The following PEX7 variants were observed in gnomAD, a reference collection of about 807,000 sequenced individuals.
PEX7 encodes the protein PTS2 receptor.
PEX7 carries 34 observed loss-of-function variants against 47.5 expected under a neutral mutation model. That is an observed-to-expected ratio of 0.72 (90% CI 0.54 to 0.95). PEX7 has a LOEUF of 0.95. Ranked by LOEUF, PEX7 falls within the 40% of genes least tolerant of loss-of-function variation. PEX7 has a pLI of 0.00. For missense variants in PEX7, 394 were observed against 400.3 expected, an observed-to-expected ratio of 0.98 and a Z score of 0.13; for synonymous variants, 141 against 148.8, an observed-to-expected ratio of 0.95 and a Z score of 0.38.
At chr6:136,866,121 T>A (rs189634166) in intron 5 of PEX7, among the ~76,000 whole-genome samples, 8 of 151,612 alleles carry the variant, frequency 5.3e-5, no homozygotes, top group African/African-American at 1.2e-4. Context: ...ATAAATAAAA[T>A]TTTTTAGCTT....
intron 3 of PEX7, among the ~76,000 whole-genome samples, chr6:136,827,433 A>G (rs996184090): frequency 6.6e-6 from 1 of 152,130 alleles, no homozygotes; most frequent in Non-Finnish European, 1.5e-5. Context: ...TAGTTTCAGG[A>G]TAATCAATGC....
chr6:136,897,044 T>C (rs1382446947), intron 8 of PEX7, among the ~76,000 whole-genome samples: 4 of 152,188 alleles, frequency 2.6e-5, no homozygotes, highest in African/African-American at 7.2e-5. Context: ...TTCCCAAATA[T>C]TTTGTAGATT....
intron 6 of PEX7, among the ~76,000 whole-genome samples, 171 bp from the exon 7 acceptor site, chr6:136,869,719 A>G (rs930455469): frequency 3.3e-5 from 5 of 152,146 alleles, no homozygotes; most frequent in Admixed American, 2.0e-4. Context: ...GTTTTTTGCT[A>G]TTAATGTCTA....
chr6:136,880,688 T>C (rs1775361869), intron 8 of PEX7, among the ~76,000 whole-genome samples: 1 of 152,384 alleles, frequency 6.6e-6, no homozygotes, highest in Admixed American at 6.5e-5. Flanking sequence ...TGGATTTACA[T>C]GGCCTCATTG....
At chr6:136,876,101 A>G (rs567470685) in intron 8 of PEX7, among the ~76,000 whole-genome samples, 1 of 151,590 alleles carries the variant, frequency 6.6e-6, no homozygotes, top group Non-Finnish European at 1.5e-5. Context: ...GCAGTGGCAC[A>G]ATCTCGGCTC....
chr6:136,892,343 G>T (rs1313220451), intron 8 of PEX7, among the ~76,000 whole-genome samples: 2 of 152,160 alleles, frequency 1.3e-5, no homozygotes, highest in Non-Finnish European at 2.9e-5. Context: ...ACTGCCTGAA[G>T]AATTGCAGAT....
At chr6:136,910,124 C>T (rs889220480) in intron 9 of PEX7, among the ~76,000 whole-genome samples, 1 of 152,204 alleles carries the variant, frequency 6.6e-6, no homozygotes, top group Non-Finnish European at 1.5e-5. Flanking sequence ...GGTTTAGGTT[C>T]TGGCTGTAGC....
intron 1 of PEX7, chr6:136,823,147 C>T (rs866525361): frequency 3.0e-6 from 3 of 985,270 alleles, no homozygotes; most frequent in South Asian, 4.7e-5. Context: ...TTGGATCGGT[C>T]CGCTCGGCAC....
chr6:136,846,722 T>C (rs570784877), intron 5 of PEX7, among the ~76,000 whole-genome samples: 210 of 152,354 alleles, frequency 1.4e-3, no homozygotes, highest in Non-Finnish European at 2.6e-3. Flanking sequence ...ATGTGCCACA[T>C]TTTCTTGATC....
chr6:136,912,731 A>T (rs1775952701), intron 9 of PEX7, among the ~76,000 whole-genome samples: 1 of 152,200 alleles, frequency 6.6e-6, no homozygotes, highest in African/African-American at 2.4e-5. Flanking sequence ...AAATTGCCTC[A>T]TCCATTTCTA....
intron 8 of PEX7, among the ~76,000 whole-genome samples, chr6:136,884,712 A>T (rs999683848): frequency 3.3e-5 from 5 of 152,196 alleles, no homozygotes; most frequent in African/African-American, 1.2e-4. Flanking sequence ...TCACAGAATA[A>T]CTAATGAAGA....
At chr6:136,851,869 T>G (rs1358308953) in intron 5 of PEX7, among the ~76,000 whole-genome samples, 1 of 37,850 alleles carries the variant, frequency 2.6e-5, no homozygotes, top group South Asian at 8.8e-4. Context: ...TCTTGTAAAT[T>G]TGTTTGAGTT....
At chr6:136,856,733 G>C (rs1038654379) in intron 5 of PEX7, among the ~76,000 whole-genome samples, 15 of 152,220 alleles carry the variant, frequency 9.9e-5, no homozygotes, top group Non-Finnish European at 1.8e-4. Flanking sequence ...ATTGAGGATG[G>C]AAAGAGTGAA....
intron 3 of PEX7, among the ~76,000 whole-genome samples, chr6:136,832,067 G>T (rs1774303967): frequency 6.6e-6 from 1 of 152,278 alleles, no homozygotes; most frequent in South Asian, 2.1e-4. Context: ...CCCTAGCAAA[G>T]GTTCTCCATG....
intron 5 of PEX7, among the ~76,000 whole-genome samples, chr6:136,858,838 GTTTATC>G (rs1168236174): frequency 2.0e-5 from 3 of 152,182 alleles, no homozygotes; most frequent in Non-Finnish European, 4.4e-5. Flanking sequence ...TTGCTAGTGA[GTTTATC>G]TTTATTAATT....
intron 8 of PEX7, among the ~76,000 whole-genome samples, chr6:136,889,472 A>G (rs1421916258): frequency 6.6e-6 from 1 of 152,216 alleles, no homozygotes; most frequent in African/African-American, 2.4e-5. Flanking sequence ...TAAATCTAAA[A>G]GGAACAAGGA....
chr6:136,890,514 G>A (rs9389448), intron 8 of PEX7, among the ~76,000 whole-genome samples: 1 of 151,570 alleles, frequency 6.6e-6, no homozygotes, highest in Admixed American at 6.6e-5. Flanking sequence ...AGAATTATTT[G>A]GTCTGCTCTG....
chr6:136,870,648 G>GT (rs1452286036), intron 7 of PEX7: 2 of 259,464 alleles, frequency 7.7e-6, no homozygotes, highest in Non-Finnish European at 1.5e-5. Flanking sequence ...GGATAAAAAA[G>GT]TACCTTATTG....
chr6:136,860,445 AGTG>A (rs1477222829), intron 5 of PEX7, among the ~76,000 whole-genome samples: 2 of 146,022 alleles, frequency 1.4e-5, no homozygotes, highest in Non-Finnish European at 3.0e-5. Flanking sequence ...ATTGCATGAA[AGTG>A]GTGGTGTGAA....
Sources: gnomAD v4.1 joint callset for allele counts (sites outside exome capture counted in the v4.1 genomes callset) on GRCh38, gnomAD v4.1.1 for gene constraint, MANE v1.5 for transcripts, NCBI Gene and HGNC (gene_info 2026-07-23, HGNC 2026-07-21) for gene names.